DPYD: variants seen among roughly 807,000 people sequenced by gnomAD.
DPYD encodes the protein dihydropyrimidine dehydrogenase.
A neutral mutation model predicts 116.2 loss-of-function variants in DPYD; 109 were observed. That is an observed-to-expected ratio of 0.94 (90% CI 0.80 to 1.10). DPYD has a LOEUF of 1.10. DPYD is among the 50% of genes least tolerant of loss of function. DPYD has a pLI of 0.00. For missense variants in DPYD, 1,302 were observed against 1,254.5 expected (o/e 1.04, Z -0.57); for synonymous variants, 440 against 432.0 (o/e 1.02, Z -0.23).
At chr1:97,424,267 T>C (rs1049453910) in intron 14 of DPYD, among the ~76,000 whole-genome samples, 2 of 152,088 alleles carry the variant, frequency 1.3e-5, no homozygotes, top group African/African-American at 4.8e-5. Context: ...CGTGGTTACA[T>C]GGTGAGGCTC....
intron 21 of DPYD, among the ~76,000 whole-genome samples, chr1:97,091,628 TGGCA>T (rs1356430937): frequency 2.6e-5 from 4 of 152,006 alleles, no homozygotes; most frequent in African/African-American, 9.7e-5. Flanking sequence ...ATGGGCAAAA[TGGCA>T]GGGACTTGTA....
At chr1:97,779,756 G>C (rs1233881728) in intron 3 of DPYD, among the ~76,000 whole-genome samples, 28 of 151,044 alleles carry the variant, frequency 1.9e-4, no homozygotes, top group Non-Finnish European at 1.0e-4. Context: ...TTTTTTTTTG[G>C]CCTTATTTTC....
At position 97,235,218 on chromosome 1, in the gene DPYD, T is replaced by C. The variant is rs561146181; in HGVS notation, c.2300-224A>G. The stretch of plus-strand genomic sequence containing the variant: ...TTTATTTTAAGGACTTTGATACCAA[T>C]ATTGAATTTAGACATGTTATACAAG... On this transcript the variant is annotated intron_variant, in intron 18 of 22. Coordinates refer to ENST00000370192, the MANE Select transcript of DPYD (RefSeq NM_000110.4). Among the ~76,000 whole-genome samples, 38 of 152,366 alleles carry C rather than the reference T, an allele frequency of 2.5e-4. 2 individuals are homozygous for C. The South Asian group carries it at 6.6e-3, about 27-fold the overall frequency.
chr1:97,398,452 G>T (rs1224293584), intron 14 of DPYD, among the ~76,000 whole-genome samples: 1 of 152,092 alleles, frequency 6.6e-6, no homozygotes. Context: ...AGTCCTTTGG[G>T]TATATACTCA....
chr1:97,877,279 A>G (rs1671971617), intron 2 of DPYD, among the ~76,000 whole-genome samples: 1 of 152,006 alleles, frequency 6.6e-6, no homozygotes, highest in South Asian at 2.1e-4. Flanking sequence ...GGAAGATGGC[A>G]TGAAAAATCA....
chr1:97,801,758 G>A (rs1667857143), intron 3 of DPYD, among the ~76,000 whole-genome samples: 1 of 151,758 alleles, frequency 6.6e-6, no homozygotes, highest in Non-Finnish European at 1.5e-5. Context: ...CCTGTATTCT[G>A]TGAAACTGTT....
chr1:97,328,100 C>T (rs1342041132), intron 16 of DPYD, among the ~76,000 whole-genome samples: 3 of 152,084 alleles, frequency 2.0e-5, no homozygotes, highest in African/African-American at 7.2e-5. Flanking sequence ...CTTCAAATCT[C>T]CTCTGTCCTC....
At chr1:97,186,877 AT>A (rs1308986140) in intron 20 of DPYD, among the ~76,000 whole-genome samples, 1 of 152,144 alleles carries the variant, frequency 6.6e-6, no homozygotes, top group Non-Finnish European at 1.5e-5. Context: ...AATTAAAAAA[AT>A]AAAAAAGAAA....
chr1:97,549,427 A>T lies in DPYD; in HGVS notation c.1524+133T>A, dbSNP rs1034135653. The T allele has an allele frequency of 1.5e-5, 15 of 1,029,284 alleles. No individual in the cohort carries two copies. The African/African-American group carries it at 1.8e-4, about 12-fold the overall frequency. The allele number at this position is 1,029,284 out of a possible 1,614,324, so 63.8% of individuals were successfully genotyped here. Reference sequence around the variant, plus strand: ...GTCTACATTTTAAAATTTGTATCCAAGTATGTACGTGACATATTGTATATA... The same window carrying T: ...GTCTACATTTTAAAATTTGTATCCATGTATGTACGTGACATATTGTATATA... On this transcript the variant is annotated intron_variant, in intron 12 of 22. Coordinates refer to ENST00000370192, the MANE Select transcript of DPYD (RefSeq NM_000110.4).
chr1:97,675,994 G>A (rs550279909), intron 8 of DPYD, among the ~76,000 whole-genome samples: 16 of 151,890 alleles, frequency 1.1e-4, no homozygotes, highest in East Asian at 1.9e-4. Flanking sequence ...TGATCCACCC[G>A]CCTCGGCCTC....
At chr1:97,735,405 G>A (rs1304359427) in intron 4 of DPYD, among the ~76,000 whole-genome samples, 5 of 151,746 alleles carry the variant, frequency 3.3e-5, no homozygotes, top group Admixed American at 6.6e-5. Context: ...GGCCAGGTGC[G>A]GTGGCTCACG....
At chr1:97,736,739 T>C (rs770027155) in intron 4 of DPYD, among the ~76,000 whole-genome samples, 23 of 152,006 alleles carry the variant, frequency 1.5e-4, no homozygotes, top group Non-Finnish European at 2.6e-4. Context: ...GAGTTCAGAA[T>C]TACTTATTTA....
At chr1:97,514,638 T>A (rs2101971674) in intron 13 of DPYD, among the ~76,000 whole-genome samples, 1 of 152,020 alleles carries the variant, frequency 6.6e-6, no homozygotes, top group African/African-American at 2.4e-5. Context: ...TAATAAAATA[T>A]TCAGTTGATC....
At chr1:97,332,601 A>G (rs1382795177) in intron 16 of DPYD, among the ~76,000 whole-genome samples, 1 of 152,200 alleles carries the variant, frequency 6.6e-6, no homozygotes, top group Non-Finnish European at 1.5e-5. Flanking sequence ...GATAGTTACC[A>G]ACAAAACGAT....
At chr1:97,675,625 T>C (rs1660100656) in intron 8 of DPYD, among the ~76,000 whole-genome samples, 1 of 152,302 alleles carries the variant, frequency 6.6e-6, no homozygotes, top group East Asian at 1.9e-4. Context: ...TGAGCTATCT[T>C]CATTATGTCA....
intron 10 of DPYD, among the ~76,000 whole-genome samples, chr1:97,585,463 C>T (rs190352500): frequency 1.3e-5 from 2 of 152,138 alleles, no homozygotes; most frequent in East Asian, 1.9e-4. Flanking sequence ...GGGGATGACA[C>T]ATTCCAAGGA....
At chr1:97,867,541 C>G (rs72979762) in intron 2 of DPYD, among the ~76,000 whole-genome samples, 1 of 151,726 alleles carries the variant, frequency 6.6e-6, no homozygotes, top group Non-Finnish European at 1.5e-5. Flanking sequence ...GCATTATTTA[C>G]CCCCAGGATG....
intron 3 of DPYD, chr1:97,797,070 C>A (rs755257353): frequency 5.9e-5 from 9 of 152,070 alleles, no homozygotes; most frequent in Non-Finnish European, 1.3e-4. Flanking sequence ...AAATGAATAA[C>A]AAGTAATGAT....
chr1:97,318,777 C>G (rs1265803591), intron 16 of DPYD, among the ~76,000 whole-genome samples: 8 of 149,508 alleles, frequency 5.4e-5, no homozygotes, highest in African/African-American at 2.0e-4. Context: ...ACAGAATATA[C>G]ATTTTTTTCA....
Sources: allele counts gnomAD v4.1 joint callset (sites outside exome capture counted in the v4.1 genomes callset), GRCh38; gene constraint gnomAD v4.1.1; transcripts MANE v1.5; gene names NCBI Gene and HGNC (gene_info 2026-07-23, HGNC 2026-07-21).